Variants in MYO7A observed in about 807,000 individuals in gnomAD.
MYO7A encodes the protein myosin VIIA.
In MYO7A, 210 loss-of-function variants were observed where a neutral mutation model predicts 263.8. The ratio of observed to expected loss-of-function variants is 0.80; its 90% CI spans 0.71 to 0.89. The LOEUF is 0.89. Ranked by LOEUF, MYO7A falls within the 40% of genes least tolerant of loss-of-function variation. The probability of loss-of-function intolerance (pLI) is 0.00; values close to 1 mark genes in which losing one functional copy is unlikely to be tolerated. For synonymous variants in MYO7A, 1,239 were observed against 1,197.3 expected (o/e 1.03, Z -0.72); for missense variants, 2,820 against 2,968.3 (o/e 0.95, Z 1.16).
intron 4 of MYO7A, among the ~76,000 whole-genome samples, chr11:77,149,570 A>T (rs1328927349): frequency 1.3e-5 from 2 of 152,092 alleles, no homozygotes; most frequent in Admixed American, 1.3e-4. Flanking sequence ...GAATCACGGC[A>T]AGGAGCTCTC....
chr11:77,148,367 G>A (rs1344519212), intron 4 of MYO7A, among the ~76,000 whole-genome samples: 1 of 152,242 alleles, frequency 6.6e-6, no homozygotes, highest in Non-Finnish European at 1.5e-5. Flanking sequence ...GATGGATAGG[G>A]ATGGATGGAT....
At chr11:77,158,216 C>T in intron 8 of MYO7A, 61 bp from the exon 9 acceptor site, 1 of 1,486,556 alleles carries the variant, frequency 6.7e-7, no homozygotes, top group Non-Finnish European at 9.0e-7. Flanking sequence ...CAGCCAGGCA[C>T]TGCCCCTCTG....
chr11:77,190,338 A>T (rs973087931), intron 29 of MYO7A, among the ~76,000 whole-genome samples, 199 bp downstream of exon 29: 4 of 152,174 alleles, frequency 2.6e-5, no homozygotes, highest in Non-Finnish European at 5.9e-5. Context: ...GAGGGACTCC[A>T]TTTGCTGGCC....
chr11:77,164,725 C>T (rs1953373733), intron 14 of MYO7A, among the ~76,000 whole-genome samples: 1 of 152,200 alleles, frequency 6.6e-6, no homozygotes, highest in Admixed American at 6.5e-5. Context: ...ATGTACCAGG[C>T]TTCATGACGT....
chr11:77,179,750 C>T lies in MYO7A; in HGVS notation c.2383C>T (p.Leu795=). ...KNYGLMRLGF[L]RLQALHRSRK... ...GTCCTTGCAGATGCGTCTGGGCTTC[C>T]TGCGGCTGCAGGCCCTGCACCGCTC... Residue 795 remains leucine (L), a synonymous_variant, in exon 21 of 49, where the codon CTG becomes TTG. Coordinates refer to ENST00000409709, the MANE Select transcript of MYO7A (RefSeq NM_000260.4). 1 of 1,544,172 alleles carries T rather than the reference C, an allele frequency of 6.5e-7. No homozygotes were observed. The highest frequency in any genetic ancestry group is 8.7e-7 in the Non-Finnish European group (1 of 1,144,442).
At position 77,208,696 on chromosome 11, in the gene MYO7A, G is replaced by A. The variant is rs1268984037; in HGVS notation, c.5945-1G>A. 21 of 1,578,374 alleles carry A rather than the reference G, an allele frequency of 1.3e-5. No homozygotes were observed. The highest frequency in any genetic ancestry group is 1.7e-5 in the Non-Finnish European group (20 of 1,161,142). ...GGGTGACCGACTGCCCTGTGCTGCAGGAATTGTGCCCTCACTCACCTACCA... is the reference window on the plus strand; with the variant it reads ...GGGTGACCGACTGCCCTGTGCTGCAAGAATTGTGCCCTCACTCACCTACCA... On this transcript the variant is annotated splice_acceptor_variant, in intron 43 of 48. Transcript: ENST00000409709. LOFTEE classifies it high-confidence loss of function.
At chr11:77,171,227 GC>G (rs1954057320) in intron 15 of MYO7A, among the ~76,000 whole-genome samples, 1 of 152,166 alleles carries the variant, frequency 6.6e-6, no homozygotes, top group Non-Finnish European at 1.5e-5. Context: ...GTATGTGCAT[GC>G]TGAGGTTGTG....
At chr11:77,139,984 C>T (rs530277353) in intron 2 of MYO7A, among the ~76,000 whole-genome samples, 1 of 152,338 alleles carries the variant, frequency 6.6e-6, no homozygotes, top group African/African-American at 2.4e-5. Flanking sequence ...ACTGTTTCCT[C>T]AAGTCTGGCC....
chr11:77,175,023 C>A, intron 17 of MYO7A, 109 bp downstream of exon 17: 1 of 1,394,262 alleles, frequency 7.2e-7, no homozygotes, highest in Non-Finnish European at 9.8e-7. Flanking sequence ...ATCTGCTTGA[C>A]CTCTCAGGTG....
In MYO7A at chr11:77,179,723, C is replaced by T; in HGVS notation, c.2368-12C>T. ...ACAGCAGGCTCTGAGCATGGGGTGG[C>T]TGTCCTTGCAGATGCGTCTGGGCTT... On this transcript the variant is annotated splice_polypyrimidine_tract_variant and intron_variant, in intron 20 of 48. Coordinates refer to ENST00000409709, the MANE Select transcript of MYO7A (RefSeq NM_000260.4). The T allele has an allele frequency of 6.6e-7, 1 of 1,523,432 alleles. No homozygotes were observed. Among genetic ancestry groups the T allele is most frequent in the Non-Finnish European group, 8.8e-7 (1 of 1,130,172 alleles). The allele number at this position is 1,523,432 out of a possible 1,614,324, so 94.4% of individuals were successfully genotyped here.
intron 10 of MYO7A, 34 bp from the exon 11 acceptor site, chr11:77,160,129 G>A: frequency 6.5e-7 from 1 of 1,542,130 alleles, no homozygotes; most frequent in Non-Finnish European, 8.8e-7. Flanking sequence ...GGGGCAGGCT[G>A]GCAGGTGAGC....
At chr11:77,166,969 C>T (rs1488941326) in intron 15 of MYO7A, among the ~76,000 whole-genome samples, 1 of 152,194 alleles carries the variant, frequency 6.6e-6, no homozygotes, top group African/African-American at 2.4e-5. Flanking sequence ...GGGTACTCTG[C>T]GCCACTCAGC....
intron 4 of MYO7A, among the ~76,000 whole-genome samples, chr11:77,150,913 A>T (rs919008541): frequency 1.3e-5 from 2 of 152,150 alleles, no homozygotes; most frequent in South Asian, 4.1e-4. Flanking sequence ...CGGAAACCAA[A>T]CCTGTCCCTG....
chr11:77,146,343 G>A (rs1292057502), intron 3 of MYO7A, among the ~76,000 whole-genome samples: 1 of 152,192 alleles, frequency 6.6e-6, no homozygotes, highest in Non-Finnish European at 1.5e-5. Context: ...GAGCCCCAGA[G>A]TGACAGGGTC....
rs1555076939 is a variant in MYO7A, at chr11:77,172,745, C to G, written c.1798-3C>G. The G allele has an allele frequency of 1.3e-6, 2 of 1,555,054 alleles. No homozygotes were observed. The highest frequency in any genetic ancestry group is 2.4e-5 in the East Asian group (1 of 41,200). On this transcript the variant is annotated splice_polypyrimidine_tract_variant and splice_region_variant and intron_variant, in intron 15 of 48. Coordinates refer to ENST00000409709, the MANE Select transcript of MYO7A (RefSeq NM_000260.4). The stretch of plus-strand genomic sequence containing the variant: ...CTCCCATCGCTGCCGTCCGTCCCCC[C>G]AGGGCGCCGAGACCAGGAAGCGCTC...
intron 2 of MYO7A, among the ~76,000 whole-genome samples, chr11:77,140,246 C>T (rs1474263457): frequency 6.6e-6 from 1 of 152,234 alleles, no homozygotes; most frequent in Non-Finnish European, 1.5e-5. Flanking sequence ...CTTCCAGCTG[C>T]CCTCAGCCTA....
chr11:77,146,680 A>C (rs1951590100), intron 3 of MYO7A, among the ~76,000 whole-genome samples: 1 of 152,062 alleles, frequency 6.6e-6, no homozygotes, highest in Non-Finnish European at 1.5e-5. Flanking sequence ...TGTGCATCAC[A>C]TCTGCTCAGC....
chr11:77,169,545 C>T (rs149673624), intron 15 of MYO7A, among the ~76,000 whole-genome samples: 2 of 152,292 alleles, frequency 1.3e-5, no homozygotes, highest in East Asian at 3.9e-4. Context: ...TTTTCACTTC[C>T]ACCTTTACCC....
At chr11:77,156,614 A>T in intron 5 of MYO7A, 46 bp from the exon 6 acceptor site, 4 of 1,605,214 alleles carry the variant, frequency 2.5e-6, no homozygotes, top group Non-Finnish European at 3.4e-6. Flanking sequence ...GTTGGTGGGG[A>T]GTCCCTGTGG....
Sources: gnomAD v4.1 joint callset for allele counts (sites outside exome capture counted in the v4.1 genomes callset) on GRCh38, gnomAD v4.1.1 for gene constraint, MANE v1.5 for transcripts, NCBI Gene and HGNC (gene_info 2026-07-23, HGNC 2026-07-21) for gene names.